ANKRD20A1: variants seen among roughly 807,000 people sequenced by gnomAD.
ANKRD20A1 encodes the protein ankyrin repeat domain 20 family member A1.
In ANKRD20A1, 2 loss-of-function variants were observed where a neutral mutation model predicts 50.9. The observed-to-expected ratio is 0.04, with a 90% CI of 0.02 to 0.12. The LOEUF (loss-of-function observed/expected upper bound fraction) is 0.12. ANKRD20A1 is among the 10% of genes least tolerant of loss of function. The probability of loss-of-function intolerance (pLI) is 1.00; values close to 1 mark genes in which losing one functional copy is unlikely to be tolerated. For missense variants in ANKRD20A1, 31 were observed against 548.1 expected, an observed-to-expected ratio of 0.06 and a Z score of 9.42; for synonymous variants, 10 against 186.2, an observed-to-expected ratio of 0.05 and a Z score of 7.70.
At chr9:67,891,121 C>T (rs1290241154) in intron 11 of ANKRD20A1, among the ~76,000 whole-genome samples, 2 of 86,996 alleles carry the variant, frequency 2.3e-5, no homozygotes, top group Admixed American at 1.6e-4. Context: ...CATGGAGAAA[C>T]ACATCTCTAC....
chr9:67,884,882 T>C (rs1161152187), intron 9 of ANKRD20A1, among the ~76,000 whole-genome samples: 1 of 150,336 alleles, frequency 6.7e-6, no homozygotes, highest in Non-Finnish European at 1.5e-5. Flanking sequence ...AGAGCGAGAC[T>C]CCGTCTCAGA....
intron 6 of ANKRD20A1, among the ~76,000 whole-genome samples, chr9:67,871,633 G>GTTTTT (rs1437154017): frequency 1.5e-5 from 2 of 135,170 alleles, no homozygotes; most frequent in African/African-American, 5.5e-5. Flanking sequence ...ATAATAAATT[G>GTTTTT]TTTATATTTA....
Position 67,859,394 on chromosome 9 carries a change from CGGTGGTTG to C in ANKRD20A1, c.-30_-23del. On this transcript the variant is annotated 5_prime_UTR_variant, in exon 1 of 15. Transcript: ENST00000562196. ...CAGGGAGCTGCCCCCGCTCAAGAGC[CGGTGGTTG>C]GGGGTCTGAGAAGAAGTCACCAATA... 1.7e-6 allele frequency: 1 copy of C among 591,144 alleles called. No homozygotes were observed. The highest frequency in any genetic ancestry group is 2.3e-6 in the Non-Finnish European group (1 of 428,604). The allele number at this position is 591,144 out of a possible 1,614,324, so 36.6% of individuals were successfully genotyped here. A position where few individuals can be genotyped will look rare whatever the true frequency, so the allele number is the denominator to read the frequency against.
At chr9:67,881,129 A>G (rs71227141) in intron 8 of ANKRD20A1, among the ~76,000 whole-genome samples, 15,544 of 148,880 alleles carry the variant, frequency 0.1, 488 homozygotes, top group Middle Eastern at 0.21. Flanking sequence ...ATTGTAGAAA[A>G]ATAACTGAGT....
rs1358486646 is a variant in ANKRD20A1, at chr9:67,872,445, G to A, written c.793+1233G>A. Among the ~76,000 whole-genome samples, 6 of 112,974 alleles carry A rather than the reference G, an allele frequency of 5.3e-5. 1 individual carries two copies. Among genetic ancestry groups the A allele is most frequent in the African/African-American group, 1.8e-4 (6 of 33,146 alleles). The allele number at this position is 112,974 out of a possible 152,430, so 74.1% of individuals were successfully genotyped here. A position where few individuals can be genotyped will look rare whatever the true frequency, so the allele number is the denominator to read the frequency against. On this transcript the variant is annotated intron_variant, in intron 6 of 14. Transcript: ENST00000562196. The stretch of plus-strand genomic sequence containing the variant: ...CCAAATCCAACTGTTCACAGAGAGC[G>A]GTGGATAGCGCATCCTACTGTTTGG...
intron 4 of ANKRD20A1, among the ~76,000 whole-genome samples, 200 bp downstream of exon 4, chr9:67,867,583 T>C (rs1348361611): frequency 6.6e-6 from 1 of 152,298 alleles, no homozygotes; most frequent in Non-Finnish European, 1.5e-5. Flanking sequence ...TCTTATAATA[T>C]ACAGTGTTTG....
intron 8 of ANKRD20A1, among the ~76,000 whole-genome samples, chr9:67,881,167 T>G (rs1388557727): frequency 3.3e-5 from 5 of 149,944 alleles, no homozygotes; most frequent in African/African-American, 1.2e-4. Context: ...TAGTCCCTGC[T>G]ACTTGGGAAT....
intron 8 of ANKRD20A1, among the ~76,000 whole-genome samples, chr9:67,881,904 T>A (rs1306537800): frequency 1.3e-5 from 2 of 149,082 alleles, no homozygotes; most frequent in East Asian, 4.1e-4. Flanking sequence ...CTGCATACCG[T>A]AAGCTACTGG....
intron 8 of ANKRD20A1, among the ~76,000 whole-genome samples, chr9:67,882,735 C>A (rs1164849410): frequency 3.7e-5 from 5 of 136,976 alleles, no homozygotes; most frequent in South Asian, 2.6e-4. Context: ...TGTGCTGCAC[C>A]CATTAACTCA....
At chr9:67,881,655 C>G (rs200520914) in intron 8 of ANKRD20A1, among the ~76,000 whole-genome samples, 1 of 151,658 alleles carries the variant, frequency 6.6e-6, no homozygotes, top group Non-Finnish European at 1.5e-5. Flanking sequence ...ATTAACCAGG[C>G]GTGATGGTGC....
chr9:67,871,418 TAAG>T (rs1342279308), intron 6 of ANKRD20A1, among the ~76,000 whole-genome samples: 1 of 138,284 alleles, frequency 7.2e-6, no homozygotes, highest in Non-Finnish European at 1.6e-5. Context: ...CAGATTTATT[TAAG>T]AAGGTAGTTG....
intron 9 of ANKRD20A1, among the ~76,000 whole-genome samples, chr9:67,885,706 C>A (rs1271361751): frequency 1.3e-5 from 2 of 152,308 alleles, no homozygotes; most frequent in Non-Finnish European, 1.5e-5. Context: ...GGAAGCACAT[C>A]AGTGTAGAAC....
intron 12 of ANKRD20A1, among the ~76,000 whole-genome samples, chr9:67,894,223 G>A (rs1169287724): frequency 6.7e-6 from 1 of 149,570 alleles, no homozygotes; most frequent in Non-Finnish European, 1.5e-5. Context: ...GTGGATATAA[G>A]CAGATAATCC....
intron 6 of ANKRD20A1, among the ~76,000 whole-genome samples, chr9:67,871,610 C>T (rs1453805386): frequency 4.4e-5 from 6 of 136,870 alleles, no homozygotes; most frequent in Non-Finnish European, 9.7e-5. Context: ...AATGGATCTT[C>T]GATTTCATTT....
intron 8 of ANKRD20A1, among the ~76,000 whole-genome samples, chr9:67,882,786 C>G (rs1381351867): frequency 8.1e-5 from 12 of 147,678 alleles, no homozygotes; most frequent in Admixed American, 6.3e-4. Flanking sequence ...ATCCCTCCCC[C>G]CTTGTCCGCC....
At chr9:67,868,094 G>C in intron 4 of ANKRD20A1, among the ~76,000 whole-genome samples, 1 of 122,076 alleles carries the variant, frequency 8.2e-6, no homozygotes, top group Non-Finnish European at 1.7e-5. Flanking sequence ...GGAAAGCAAC[G>C]GGGAAATCTT....
At chr9:67,895,945 A>G (rs1803650767) in intron 12 of ANKRD20A1, among the ~76,000 whole-genome samples, 1 of 80,830 alleles carries the variant, frequency 1.2e-5, no homozygotes, top group Non-Finnish European at 2.7e-5. Context: ...AAAGTAGATT[A>G]GTTCTGCTAT....
chr9:67,881,605 AAAAACC>A (rs1185455827), intron 8 of ANKRD20A1, among the ~76,000 whole-genome samples: 65 of 151,706 alleles, frequency 4.3e-4, no homozygotes, highest in Admixed American at 8.5e-4. Context: ...TGTCTCTAAA[AAAAACC>A]AAAACCAAAA....
At chr9:67,868,873 T>G (rs1827617290) in intron 5 of ANKRD20A1, among the ~76,000 whole-genome samples, 1 of 74,434 alleles carries the variant, frequency 1.3e-5, no homozygotes, top group Admixed American at 1.9e-4. Context: ...TTTCCTTTCC[T>G]TTCCTTTTTT....
Sources: allele counts gnomAD v4.1 joint callset (sites outside exome capture counted in the v4.1 genomes callset), GRCh38; gene constraint gnomAD v4.1.1; transcripts MANE v1.5; gene names NCBI Gene and HGNC (gene_info 2026-07-23, HGNC 2026-07-21).